Variants in DYDC2 observed in about 807,000 individuals in gnomAD.
The protein encoded by DYDC2 is DPY30 domain-containing protein 2.
Under a neutral mutation model 18.7 loss-of-function variants are expected in DYDC2, and 19 were observed. The observed-to-expected ratio is 1.02, with a 90% confidence interval of 0.71 to 1.49. The LOEUF is 1.49. DYDC2 is among the 40% of genes most tolerant of loss of function. The pLI, the probability that DYDC2 is intolerant of heterozygous loss-of-function variation, is 0.00. For missense variants in DYDC2, 179 were observed against 205.1 expected (o/e 0.87, Z 0.78); for synonymous variants, 63 against 67.6 (o/e 0.93, Z 0.34).
upstream of DYDC2, among the ~76,000 whole-genome samples, chr10:80,355,826 C>A (rs1382360606): frequency 6.6e-6 from 1 of 152,040 alleles, no homozygotes; most frequent in Non-Finnish European, 1.5e-5. Flanking sequence ...ACAAATGAAC[C>A]TAATTCCAAA....
rs1178570782 is a variant in DYDC2, at chr10:80,361,544, A to AT, written c.-9-890dup. Among the ~76,000 whole-genome samples the AT allele has an allele frequency of 5.9e-5, 9 of 152,344 alleles. No homozygotes were observed. In the East Asian group the frequency reaches 1.7e-3, roughly 29 times the overall value. On this transcript the variant is annotated intron_variant, in intron 2 of 4. Transcript: ENST00000256039. ...TTGATGATCCTGCTTTGATTCAGTT[A>AT]TACTATGGTGGTGAGGAAATGGCAG...
chr10:80,367,322 CA>C lies in DYDC2; in HGVS notation c.*372del, dbSNP rs529300716. On this transcript the variant is annotated 3_prime_UTR_variant, in exon 5 of 5. Transcript: ENST00000256039. Reference sequence around the variant, plus strand: ...GACAAGTCAAGAGAGAAAGTGGGACCAGGGGGCCAATGCTAGTATGGAGGCT... The same window carrying C: ...GACAAGTCAAGAGAGAAAGTGGGACCGGGGGCCAATGCTAGTATGGAGGCT... 1.6e-3 allele frequency: 265 copies of C among 170,702 alleles called. 2 individuals carry two copies. The highest frequency in any genetic ancestry group is 6.1e-3 in the African/African-American group (255 of 41,952). The allele number at this position is 170,702 out of a possible 1,614,324, so 10.6% of individuals were successfully genotyped here. A position where few individuals can be genotyped will look rare whatever the true frequency, so the allele number is the denominator to read the frequency against.
At chr10:80,359,987 G>A (rs1843617793) in intron 2 of DYDC2, among the ~76,000 whole-genome samples, 1 of 152,232 alleles carries the variant, frequency 6.6e-6, no homozygotes, top group African/African-American at 2.4e-5. Flanking sequence ...GGGCACCAAG[G>A]CCGAGGAGGT....
In DYDC2 at chr10:80,366,734, A is replaced by T; in HGVS notation, c.317A>T (p.Gln106Leu). 6.2e-7 allele frequency: 1 copy of T among 1,613,716 alleles called. No homozygotes were observed. The highest frequency in any genetic ancestry group is 8.5e-7 in the Non-Finnish European group (1 of 1,179,770). The stretch of plus-strand genomic sequence containing the variant: ...TCCACGAAGAAGACCATATTCATGC[A>T]GGAGGACACAAACCCCCTTGAGAAG... ...TVSTKKTIFM[Q>L]EDTNPLEKEA... The change falls in exon 5 of 5, where the codon CAG becomes CTG. Residue 106 changes from glutamine (Q) to leucine (L), a missense_variant. Coordinates refer to ENST00000256039, the MANE Select transcript of DYDC2 (RefSeq NM_032372.6).
intron 2 of DYDC2, among the ~76,000 whole-genome samples, chr10:80,361,768 C>T (rs896268605): frequency 6.6e-6 from 1 of 152,206 alleles, no homozygotes; most frequent in Non-Finnish European, 1.5e-5. Flanking sequence ...GTAGGAGCCC[C>T]TTCAAGCTGG....
At chr10:80,358,560 C>T (rs998253994) in intron 2 of DYDC2, among the ~76,000 whole-genome samples, 6 of 152,148 alleles carry the variant, frequency 3.9e-5, no homozygotes, top group Admixed American at 2.6e-4. Flanking sequence ...TACGGCTTGC[C>T]ACATGTAACC....
upstream of DYDC2, among the ~76,000 whole-genome samples, chr10:80,355,323 A>G (rs1843297750): frequency 6.6e-6 from 1 of 151,872 alleles, no homozygotes; most frequent in Non-Finnish European, 1.5e-5. Flanking sequence ...GATGAACCCC[A>G]GGATGTCAGT....
chr10:80,365,732 G>A (rs1033749835), intron 4 of DYDC2, among the ~76,000 whole-genome samples: 2 of 152,104 alleles, frequency 1.3e-5, no homozygotes, highest in African/African-American at 4.8e-5. Context: ...TTTTTTTCCT[G>A]TGTGGTTCAG....
At chr10:80,345,172 A>G (rs1842538393) in intron 1 of DYDC2, among the ~76,000 whole-genome samples, 1 of 152,224 alleles carries the variant, frequency 6.6e-6, no homozygotes, top group Non-Finnish European at 1.5e-5. Context: ...AGTGACCTTC[A>G]TTCACTCTTG....
rs1179826432 is a variant in DYDC2 at position 80,362,950 on chromosome 10, G to A, written c.148-1G>A. On this transcript the variant is annotated splice_acceptor_variant, in intron 3 of 4. Transcript: ENST00000256039. LOFTEE classifies it high-confidence loss of function. ...GATTTGACTCTGTCACCTCACCCCA[G>A]AATAGGGAAAAGAAGATCCACCTGC... 6.2e-7 allele frequency: 1 copy of A among 1,612,786 alleles called. No individual in the cohort carries two copies. The highest frequency in any genetic ancestry group is 1.1e-5 in the South Asian group (1 of 90,678).
intron 1 of DYDC2, 27 bp from the exon 2 acceptor site, chr10:80,357,866 A>C: frequency 2.0e-6 from 2 of 985,476 alleles, no homozygotes; most frequent in Non-Finnish European, 2.4e-6. Context: ...GAACTCTCTC[A>C]ATGAATAAGT....
intron 2 of DYDC2, among the ~76,000 whole-genome samples, chr10:80,358,247 G>A (rs572098104): frequency 1.1e-4 from 16 of 152,226 alleles, no homozygotes; most frequent in East Asian, 7.7e-4. Flanking sequence ...GTGTGGTGGC[G>A]CACACCTGTA....
chr10:80,365,827 A>AT (rs1458584371), intron 4 of DYDC2, among the ~76,000 whole-genome samples: 6 of 151,882 alleles, frequency 4.0e-5, no homozygotes, highest in Non-Finnish European at 8.8e-5. Flanking sequence ...GATTCTGTGG[A>AT]TTTTTTCACT....
intron 2 of DYDC2, among the ~76,000 whole-genome samples, chr10:80,359,744 C>T (rs1843605221): frequency 6.6e-6 from 1 of 152,212 alleles, no homozygotes; most frequent in Non-Finnish European, 1.5e-5. Flanking sequence ...TGCTAAGCTC[C>T]TCACTGCCTG....
chr10:80,365,285 T>G (rs1055608645), intron 4 of DYDC2, among the ~76,000 whole-genome samples: 4 of 152,190 alleles, frequency 2.6e-5, no homozygotes, highest in Admixed American at 2.6e-4. Flanking sequence ...ATGGTAGGGA[T>G]CATACCCAAT....
At position 80,347,276 on chromosome 10, in the gene DYDC2, C is replaced by CTTTTTTTTTTTTTTTTTTTTTTTTTTTTT. The variant is rs556362145; in HGVS notation, c.-310+2462_-310+2490dup. ...CTTTGCCCATTTTTTAATTGGGATC[C>CTTTTTTTTTTTTTTTTTTTTTTTTTTTTT]TTTTTTTTTTTTTTTTTTTTTTTTT... On this transcript the variant is annotated intron_variant, in intron 1 of 4. Coordinates refer to the DYDC2 transcript ENST00000372197. Among the ~76,000 whole-genome samples the CTTTTTTTTTTTTTTTTTTTTTTTTTTTTT allele has an allele frequency of 5.5e-5, 5 of 90,114 alleles. 2 individuals carry two copies. Among genetic ancestry groups the CTTTTTTTTTTTTTTTTTTTTTTTTTTTTT allele is most frequent in the African/African-American group, 8.8e-5 (2 of 22,842 alleles). 59.1% of individuals were successfully genotyped at this position (90,114 alleles called of 152,430 possible).
At chr10:80,363,156 A>G in intron 4 of DYDC2, 83 bp downstream of exon 4, 1 of 1,451,182 alleles carries the variant, frequency 6.9e-7, no homozygotes, top group African/African-American at 1.4e-5. Context: ...CCCAGTCCCA[A>G]TCCAAGGCAC....
In DYDC2 at chr10:80,362,969, C is replaced by T. The variant is rs770695940; in HGVS notation, c.166C>T (p.His56Tyr). Residue 56 changes from histidine to tyrosine, a missense_variant, in exon 4 of 5, where the codon CAC becomes TAC. Transcript: ENST00000256039. ...AKEENREKKIHLQEEYDSSLK... is the reference protein window; with the variant it reads ...AKEENREKKIYLQEEYDSSLK... ...ACCCCAGAATAGGGAAAAGAAGATC[C>T]ACCTGCAGGAGGAATATGACAGTAG... is the stretch of plus-strand genomic sequence containing the variant. 62 of 1,613,430 alleles carry T rather than the reference C, an allele frequency of 3.8e-5. No homozygotes were observed. The highest frequency in any genetic ancestry group is 5.9e-6 in the Non-Finnish European group (7 of 1,179,844).
chr10:80,349,853 C>T (rs916458162), intron 1 of DYDC2, among the ~76,000 whole-genome samples: 6 of 152,186 alleles, frequency 3.9e-5, no homozygotes, highest in Non-Finnish European at 5.9e-5. Context: ...AAACTAAGCT[C>T]TTACATAGAA....
Sources: gnomAD v4.1 joint callset for allele counts (sites outside exome capture counted in the v4.1 genomes callset) on GRCh38, gnomAD v4.1.1 for gene constraint, MANE v1.5 for transcripts, NCBI Gene and HGNC (gene_info 2026-07-23, HGNC 2026-07-21) for gene names.